The following MEGF6 variants were observed in gnomAD, a reference collection of about 807,000 sequenced individuals.
The protein encoded by MEGF6 is multiple EGF like domains 6.
MEGF6 carries 184 observed loss-of-function variants against 207.1 expected under a neutral mutation model. The ratio of observed to expected loss-of-function variants is 0.89; its 90% CI spans 0.79 to 1.00. The LOEUF (loss-of-function observed/expected upper bound fraction) is 1.00, where lower values mean the gene tolerates loss of function less well. MEGF6 is among the 50% of genes least tolerant of loss of function. MEGF6 has a pLI of 0.00. For missense variants in MEGF6, 2,282 were observed against 2,202.9 expected (o/e 1.04, Z -0.72); for synonymous variants, 1,038 against 910.0 (o/e 1.14, Z -2.53).
rs546771819 is a variant in MEGF6 at position 3,500,632 on chromosome 1, C to A, written c.2707+1G>T. 4 of 1,554,224 alleles carry A rather than the reference C, an allele frequency of 2.6e-6. No individual in the cohort carries two copies. The highest frequency in any genetic ancestry group is 2.4e-5 in the South Asian group (2 of 84,420). ...CAGCCAAAGGCAGGGCCGGGACTCA[C>A]GCTGCTCGCACCGCGGGCCCACGTA... On this transcript the variant is annotated splice_donor_variant, in intron 21 of 36. Transcript: ENST00000356575. LOFTEE classifies it high-confidence loss of function.
At chr1:3,612,076 G>A (rs1002712590), upstream of MEGF6, among the ~76,000 whole-genome samples, 3 of 152,202 alleles carry the variant, frequency 2.0e-5, no homozygotes, top group Non-Finnish European at 2.9e-5. Flanking sequence ...GGCAGGGGTC[G>A]GGGAAGGGCT....
In MEGF6 at chr1:3,611,085, G is replaced by C. The variant is rs887355348; in HGVS notation, c.131+53C>G. On this transcript the variant is annotated intron_variant, in intron 1 of 36. Coordinates refer to ENST00000356575, the MANE Select transcript of MEGF6 (RefSeq NM_001409.4). ...GCTCGGTCCACCACGGGCCTCCAGA[G>C]GCCCCGGGGTCCCTGGACGACCGGC... 3 of 1,422,628 alleles carry C rather than the reference G, an allele frequency of 2.1e-6. No individual in the cohort carries two copies. In the Admixed American group the frequency reaches 8.9e-5, roughly 42 times the overall value. The allele number at this position is 1,422,628 out of a possible 1,614,324, so 88.1% of individuals were successfully genotyped here. A position where few individuals can be genotyped will look rare whatever the true frequency, so the allele number is the denominator to read the frequency against.
In MEGF6 at chr1:3,556,666, C is replaced by A. The variant is rs936630912; in HGVS notation, c.481+23159G>T. Among the ~76,000 whole-genome samples, 1 of 152,170 alleles carries A rather than the reference C, an allele frequency of 6.6e-6. No individual in the cohort carries two copies. The highest frequency in any genetic ancestry group is 1.5e-5 in the Non-Finnish European group (1 of 68,042). On this transcript the variant is annotated intron_variant, in intron 4 of 36. Coordinates refer to ENST00000356575, the MANE Select transcript of MEGF6 (RefSeq NM_001409.4). The surrounding 1 kb of genome is among the most constrained non-coding windows in gnomAD (Gnocchi z 4.4). ...ATAGGACTGACCACCAAGCAGACTGCAGGCAGCTTAAGAGCTCCATTGTGG... is the reference window on the plus strand; with the variant it reads ...ATAGGACTGACCACCAAGCAGACTGAAGGCAGCTTAAGAGCTCCATTGTGG...
At chr1:3,562,165 GTC>G (rs1463327643) in intron 4 of MEGF6, among the ~76,000 whole-genome samples, 1 of 152,110 alleles carries the variant, frequency 6.6e-6, no homozygotes, top group Non-Finnish European at 1.5e-5. Flanking sequence ...CTCTTTTTGT[GTC>G]TCTCTCTGTC....
chr1:3,523,081 G>GGGC (rs1553195924), intron 5 of MEGF6, among the ~76,000 whole-genome samples: 2 of 152,076 alleles, frequency 1.3e-5, no homozygotes, highest in African/African-American at 2.4e-5. Context: ...TGCCGGGGGG[G>GGGC]GGGCCCCAGG....
intron 2 of MEGF6, among the ~76,000 whole-genome samples, chr1:3,600,100 G>T (rs931347034): frequency 1.3e-5 from 2 of 152,104 alleles, no homozygotes; most frequent in African/African-American, 4.8e-5. Flanking sequence ...GGGCTGCAGC[G>T]CCAGGAGCCT....
chr1:3,507,590 T>C (rs1641162855), intron 14 of MEGF6, among the ~76,000 whole-genome samples: 2 of 152,138 alleles, frequency 1.3e-5, no homozygotes, highest in African/African-American at 2.4e-5. Flanking sequence ...ACCCCTCTCA[T>C]TCAAGGGCCT....
chr1:3,531,814 G>C (rs975770902), intron 4 of MEGF6, among the ~76,000 whole-genome samples: 6 of 152,030 alleles, frequency 3.9e-5, no homozygotes, highest in Non-Finnish European at 7.4e-5. Context: ...CGGGCCGCGG[G>C]GCGGGGGAGG....
intron 4 of MEGF6, among the ~76,000 whole-genome samples, chr1:3,536,455 G>C (rs965757506): frequency 6.6e-5 from 10 of 152,116 alleles, no homozygotes; most frequent in Admixed American, 5.9e-4. Flanking sequence ...GCTCTGGGCC[G>C]TCCCTCCTGC....
In MEGF6 at chr1:3,497,038, G is replaced by C. The variant is rs1465578160; in HGVS notation, c.3563C>G (p.Thr1188Ser). The change falls in exon 28 of 37, where the codon ACC (threonine) becomes AGC (serine). Residue 1188 changes from threonine to serine, a missense_variant. Transcript: ENST00000356575. ...GCCAGCAGCACATGAGCAGGTCCCG[G>C]TGGCAGGGTGGCAGGCCGGGTTCTC... is the stretch of plus-strand genomic sequence containing the variant. Reference protein sequence around the residue: ...PGENPACHPATGTCSCAAGYH... With the variant: ...PGENPACHPASGTCSCAAGYH... 4 of 1,553,752 alleles carry C rather than the reference G, an allele frequency of 2.6e-6. No individual in the cohort carries two copies. The highest frequency in any genetic ancestry group is 3.5e-6 in the Non-Finnish European group (4 of 1,149,218).
chr1:3,525,199 T>A (rs373428543), intron 4 of MEGF6, among the ~76,000 whole-genome samples: 1 of 152,008 alleles, frequency 6.6e-6, no homozygotes, highest in East Asian at 1.9e-4. Flanking sequence ...GCCGGCACCC[T>A]CCCCCATGAA....
At chr1:3,615,357 G>T (rs59988660), upstream of MEGF6, among the ~76,000 whole-genome samples, 8,463 of 152,218 alleles carry the variant, frequency 0.056, 347 homozygotes, top group East Asian at 0.18. Flanking sequence ...ATTAGAACCC[G>T]CTGGTCCCAT....
chr1:3,507,126 A>G (rs1167754925), intron 14 of MEGF6, among the ~76,000 whole-genome samples: 3 of 152,206 alleles, frequency 2.0e-5, no homozygotes, highest in Admixed American at 2.0e-4. Context: ...CACCACCACC[A>G]GGCAACCAGC....
chr1:3,492,768 C>T lies in MEGF6; in HGVS notation c.4388-1G>A, dbSNP rs1553188547. The T allele has an allele frequency of 6.2e-7, 1 of 1,608,920 alleles. No individual in the cohort carries two copies. The highest frequency in any genetic ancestry group is 1.3e-5 in the African/African-American group (1 of 74,986). ...GGCCCAAACTGGCCCCTTCTGCAAT[C>T]TGCAAGGCGGAGGGGGCGGGAGACA... On this transcript the variant is annotated splice_acceptor_variant, in intron 34 of 36. Transcript: ENST00000356575. LOFTEE classifies it high-confidence loss of function.
chr1:3,490,807 G>T, intron 36 of MEGF6, 105 bp downstream of exon 36: 1 of 1,408,364 alleles, frequency 7.1e-7, no homozygotes, highest in Non-Finnish European at 9.8e-7. Context: ...GGCCCCGGGT[G>T]CAGCTGCTGC....
At chr1:3,550,656 G>A (rs149846666) in intron 4 of MEGF6, among the ~76,000 whole-genome samples, 26 of 152,368 alleles carry the variant, frequency 1.7e-4, no homozygotes, top group Admixed American at 7.2e-4. Context: ...GCTCCGTGCC[G>A]GATCTGGCCC....
rs2101037006 is a variant in MEGF6 at position 3,510,083 on chromosome 1, G to A, written c.1235-91C>T. 3.4e-6 allele frequency: 5 copies of A among 1,455,834 alleles called. No individual in the cohort carries two copies. In the East Asian group the frequency reaches 7.7e-5, roughly 22 times the overall value. 90.2% of individuals were successfully genotyped at this position (1,455,834 alleles called of 1,614,324 possible). A position where few individuals can be genotyped will look rare whatever the true frequency, so the allele number is the denominator to read the frequency against. ...ACCCAGTCCTACCCACAGGACTGAA[G>A]CCCTGGTGGCCCTGCCAGAGCTGAG... On this transcript the variant is annotated intron_variant, in intron 10 of 36. Transcript: ENST00000356575.
rs371989588 is a variant in MEGF6, at chr1:3,574,862, C to T, written c.481+4963G>A. Reference sequence around the variant, plus strand: ...TTCACCATGTTGCTCAGGCTGGTCTCGAACTCCTGAGCTCAAGTGATACAC... The same window carrying T: ...TTCACCATGTTGCTCAGGCTGGTCTTGAACTCCTGAGCTCAAGTGATACAC... On this transcript the variant is annotated intron_variant, in intron 4 of 36. Coordinates refer to ENST00000356575, the MANE Select transcript of MEGF6 (RefSeq NM_001409.4). 1.9e-3 allele frequency among the ~76,000 whole-genome samples: 288 copies of T among 152,204 alleles called. 4 individuals are homozygous for T. Among genetic ancestry groups the T allele is most frequent in the South Asian group, 9.5e-3 (46 of 4,818 alleles).
intron 15 of MEGF6, among the ~76,000 whole-genome samples, chr1:3,505,857 C>T (rs1641094469): frequency 6.6e-6 from 1 of 152,224 alleles, no homozygotes; most frequent in Non-Finnish European, 1.5e-5. Flanking sequence ...AGCCCTACCA[C>T]CCATCAAGGC....
Sources: allele counts gnomAD v4.1 joint callset (sites outside exome capture counted in the v4.1 genomes callset), GRCh38; gene constraint gnomAD v4.1.1; non-coding constraint Gnocchi (gnomAD v3.1); transcripts MANE v1.5; gene names NCBI Gene and HGNC (gene_info 2026-07-23, HGNC 2026-07-21).